MOBP: variants seen among roughly 807,000 people sequenced by gnomAD.
MOBP encodes the protein myelin-associated oligodendrocyte basic protein.
MOBP carries 5 observed loss-of-function variants against 15.0 expected under a neutral mutation model. The ratio of observed to expected loss-of-function variants is 0.33; its 90% CI spans 0.17 to 0.70. MOBP has a LOEUF of 0.70. Among genes scored for constraint, MOBP ranks in the 30% least tolerant of loss-of-function variants. The pLI, the probability that MOBP is intolerant of heterozygous loss-of-function variation, is 0.67. For synonymous variants in MOBP, 88 were observed against 99.0 expected, an observed-to-expected ratio of 0.89 and a Z score of 0.66; for missense variants, 188 against 257.8, an observed-to-expected ratio of 0.73 and a Z score of 1.85.
chr3:39,520,498 G>T (rs1489472818), downstream of MOBP, among the ~76,000 whole-genome samples: 1 of 151,794 alleles, frequency 6.6e-6, no homozygotes, highest in Non-Finnish European at 1.5e-5. Flanking sequence ...AGAGAAGGAG[G>T]AGGGAACATC....
rs1165245478 is a variant in MOBP, at chr3:39,469,128, ATG to A, written c.-89+1396_-89+1397del. ...TGTGTGTATATATACATATATACAT[ATG>A]TGTGTGTATATACATATATACATAT... On this transcript the variant is annotated intron_variant, in intron 1 of 3. Transcript: ENST00000684792. Among the ~76,000 whole-genome samples the A allele has an allele frequency of 2.7e-4, 20 of 74,094 alleles. 4 individuals carry two copies. The highest frequency in any genetic ancestry group is 7.3e-4 in the African/African-American group (6 of 8,234). 48.6% of individuals were successfully genotyped at this position (74,094 alleles called of 152,430 possible).
downstream of MOBP, among the ~76,000 whole-genome samples, chr3:39,505,501 G>T (rs961295536): frequency 6.6e-6 from 1 of 152,168 alleles, no homozygotes; most frequent in African/African-American, 2.4e-5. Flanking sequence ...CTGAACTCTT[G>T]AATTTTGCCC....
chr3:39,520,821 T>G (rs778522458), downstream of MOBP, among the ~76,000 whole-genome samples: 4 of 152,186 alleles, frequency 2.6e-5, no homozygotes, highest in African/African-American at 7.2e-5. Context: ...TGGCTGGCAA[T>G]TCACGTTAAT....
chr3:39,487,320 G>A (rs1310215037), intron 2 of MOBP, among the ~76,000 whole-genome samples: 1 of 151,894 alleles, frequency 6.6e-6, no homozygotes, highest in Admixed American at 6.6e-5. Flanking sequence ...GAATCTATCT[G>A]CCCCCTACCA....
chr3:39,517,601 A>G (rs1038445119), downstream of MOBP: 2 of 152,250 alleles, frequency 1.3e-5, no homozygotes, highest in Non-Finnish European at 2.9e-5. Context: ...ATATTGATAG[A>G]ATCCTTGTGT....
rs779336179 is a variant in MOBP at position 39,502,622 on chromosome 3, G to A, written c.294G>A (p.Arg98=). 41 of 1,555,582 alleles carry A rather than the reference G, an allele frequency of 2.6e-5. No homozygotes were observed. Among genetic ancestry groups the A allele is most frequent in the Admixed American group, 1.1e-4 (6 of 53,270 alleles). Reference sequence around the variant, plus strand: ...TGGTCAGAGCGCCAGCCAAGCCACGGTCCCCTCCGAGGTCTGAGCGTCAGC... The same window carrying A: ...TGGTCAGAGCGCCAGCCAAGCCACGATCCCCTCCGAGGTCTGAGCGTCAGC... The part of the protein sequence containing the change: ...PAVVRAPAKP[R]SPPRSERQPR... Residue 98 remains arginine (R), a synonymous_variant, in exon 4 of 4, where the codon CGG becomes CGA. Transcript: ENST00000684792. The surrounding 1 kb of genome is among the most constrained non-coding windows in gnomAD (Gnocchi z 6.3).
downstream of MOBP, among the ~76,000 whole-genome samples, chr3:39,507,986 T>C (rs1269366673): frequency 6.6e-6 from 1 of 152,240 alleles, no homozygotes; most frequent in Non-Finnish European, 1.5e-5. Context: ...CTTACACCCC[T>C]GGGAAAACCC....
At chr3:39,497,447 C>G (rs2042903278) in intron 2 of MOBP, among the ~76,000 whole-genome samples, 1 of 152,222 alleles carries the variant, frequency 6.6e-6, no homozygotes, top group African/African-American at 2.4e-5. Flanking sequence ...GAAGTCTAGT[C>G]TGGGCCCAGC....
At chr3:39,516,258 C>T (rs530549998), downstream of MOBP, among the ~76,000 whole-genome samples, 6 of 152,168 alleles carry the variant, frequency 3.9e-5, no homozygotes, top group South Asian at 2.1e-4. Flanking sequence ...TGAGGAGGCA[C>T]CTGAGCATGT....
chr3:39,518,160 C>T (rs1307609632), downstream of MOBP, among the ~76,000 whole-genome samples: 6 of 152,166 alleles, frequency 3.9e-5, no homozygotes, highest in Non-Finnish European at 1.5e-5. Context: ...CAACTTCAGG[C>T]TGGGGATCTG....
At chr3:39,521,121 TG>T (rs1446546501) in intron 3 of MOBP, among the ~76,000 whole-genome samples, 1 of 152,118 alleles carries the variant, frequency 6.6e-6, no homozygotes, top group Non-Finnish European at 1.5e-5. Context: ...GCGAATTTTT[TG>T]TATTTTTAGT....
intron 2 of MOBP, among the ~76,000 whole-genome samples, chr3:39,481,677 TTCTC>T (rs2042629932): frequency 6.6e-6 from 1 of 152,178 alleles, no homozygotes; most frequent in East Asian, 1.9e-4. Context: ...TGCCTATAGT[TTCTC>T]TGTCTATCTT....
intron 2 of MOBP, among the ~76,000 whole-genome samples, chr3:39,488,646 G>A (rs656071): frequency 0.3 from 45,321 of 152,048 alleles, 9,135 homozygotes; most frequent in African/African-American, 0.57. Flanking sequence ...TAAATGTTTA[G>A]AACTGTACTC....
downstream of MOBP, among the ~76,000 whole-genome samples, chr3:39,503,903 T>C (rs2043013650): frequency 6.6e-6 from 1 of 152,156 alleles, no homozygotes. Flanking sequence ...AAGATGCCCC[T>C]AGAAAATGTG....
At chr3:39,471,018 C>G (rs1205008944) in intron 1 of MOBP, among the ~76,000 whole-genome samples, 1 of 152,096 alleles carries the variant, frequency 6.6e-6, no homozygotes, top group Non-Finnish European at 1.5e-5. Flanking sequence ...TTGTTCAGGG[C>G]GTGGCTAGCT....
chr3:39,483,585 G>T (rs918812041), intron 2 of MOBP, among the ~76,000 whole-genome samples: 1 of 152,172 alleles, frequency 6.6e-6, no homozygotes, highest in African/African-American at 2.4e-5. Flanking sequence ...TATGACCACA[G>T]ATCATTTAGG....
chr3:39,512,361 G>C (rs763809770), intron 4 of MOBP, among the ~76,000 whole-genome samples: 9 of 152,182 alleles, frequency 5.9e-5, no homozygotes, highest in Non-Finnish European at 1.2e-4. Flanking sequence ...TCGAAAACAT[G>C]CAGGCTGCCA....
At chr3:39,469,683 A>T (rs2042440866) in intron 1 of MOBP, among the ~76,000 whole-genome samples, 1 of 152,162 alleles carries the variant, frequency 6.6e-6, no homozygotes, top group African/African-American at 2.4e-5. Flanking sequence ...TCTCACAATT[A>T]TGCAGTTTTC....
chr3:39,489,567 C>T (rs1224796256), intron 2 of MOBP, among the ~76,000 whole-genome samples: 1 of 152,138 alleles, frequency 6.6e-6, no homozygotes, highest in African/African-American at 2.4e-5. Context: ...AATAAATTGT[C>T]TCAGTAGCTC....
Sources: allele counts gnomAD v4.1 joint callset (sites outside exome capture counted in the v4.1 genomes callset), GRCh38; gene constraint gnomAD v4.1.1; non-coding constraint Gnocchi (gnomAD v3.1); transcripts MANE v1.5; gene names NCBI Gene and HGNC (gene_info 2026-07-23, HGNC 2026-07-21).